TIAM2: variants seen among roughly 807,000 people sequenced by gnomAD.
TIAM2 encodes TIAM Rac1 associated GEF 2.
In TIAM2, 80 loss-of-function variants were observed where a neutral mutation model predicts 152.9. The ratio of observed to expected loss-of-function variants is 0.52; its 90% confidence interval spans 0.44 to 0.63. The LOEUF (loss-of-function observed/expected upper bound fraction) is 0.63. Ranked by LOEUF, TIAM2 falls within the 30% of genes least tolerant of loss-of-function variation. The pLI is 0.00. For synonymous variants in TIAM2, 804 were observed against 838.0 expected (o/e 0.96, Z 0.70); for missense variants, 1,965 against 2,120.1 (o/e 0.93, Z 1.44).
chr6:155,120,495 C>T (rs1222850888), intron 2 of TIAM2, among the ~76,000 whole-genome samples: 4 of 152,182 alleles, frequency 2.6e-5, no homozygotes, highest in African/African-American at 7.2e-5. Flanking sequence ...GTATTCAATT[C>T]ATGCATTCTG....
intron 1 of TIAM2, among the ~76,000 whole-genome samples, chr6:155,030,990 A>G (rs1190597749): frequency 2.0e-5 from 3 of 152,194 alleles, no homozygotes. Context: ...TTTTGGTGAA[A>G]TAAGTTCCTG....
intron 1 of TIAM2, among the ~76,000 whole-genome samples, chr6:155,057,534 T>G (rs1040760641): frequency 2.1e-5 from 3 of 142,458 alleles, no homozygotes; most frequent in Non-Finnish European, 4.6e-5. Context: ...TTTCTTTCCA[T>G]AATGTACTTT....
chr6:155,042,810 A>G (rs1022591428), intron 1 of TIAM2, among the ~76,000 whole-genome samples: 1 of 152,188 alleles, frequency 6.6e-6, no homozygotes, highest in Non-Finnish European at 1.5e-5. Context: ...TTTCAAGTAT[A>G]CAACACATTG....
Position 155,170,034 on chromosome 6 carries a change from G to A in TIAM2, c.2361+4625G>A, listed in dbSNP as rs57297674. ...GGGTTTCACTATGTTGGCCAGGCTGGTCTTGAACTCCTGACGTCGCGATCC... is the reference window on the plus strand; with the variant it reads ...GGGTTTCACTATGTTGGCCAGGCTGATCTTGAACTCCTGACGTCGCGATCC... On this transcript the variant is annotated intron_variant, in intron 9 of 26. Coordinates refer to ENST00000682666, the MANE Select transcript of TIAM2 (RefSeq NM_012454.4). Among the ~76,000 whole-genome samples, 1,002 of 152,120 alleles carry A rather than the reference G, an allele frequency of 6.6e-3. 9 individuals are homozygous for A. Among genetic ancestry groups the A allele is most frequent in the African/African-American group, 0.022 (896 of 41,492 alleles).
At chr6:155,041,802 G>A (rs1005326980) in intron 1 of TIAM2, among the ~76,000 whole-genome samples, 1 of 152,072 alleles carries the variant, frequency 6.6e-6, no homozygotes, top group Admixed American at 6.6e-5. Context: ...AGGTGTTCGC[G>A]TTGCCAGTGC....
chr6:155,200,690 G>A (rs1455908943), intron 14 of TIAM2, among the ~76,000 whole-genome samples: 2 of 152,066 alleles, frequency 1.3e-5, no homozygotes, highest in East Asian at 3.9e-4. Flanking sequence ...GGATCACAAG[G>A]TCAAGAGATC....
intron 1 of TIAM2, among the ~76,000 whole-genome samples, chr6:155,044,576 G>T (rs1237612887): frequency 1.3e-5 from 2 of 152,112 alleles, no homozygotes; most frequent in African/African-American, 4.8e-5. Flanking sequence ...CAGCACTTTG[G>T]GAGGCAGAGG....
At chr6:155,240,847 A>T (rs781355891) in intron 16 of TIAM2, 138 bp downstream of exon 16, 8 of 880,134 alleles carry the variant, frequency 9.1e-6, no homozygotes, top group Non-Finnish European at 1.3e-5. Flanking sequence ...TGAATCAGTG[A>T]ATTGCTCAAG....
intron 2 of TIAM2, among the ~76,000 whole-genome samples, chr6:155,107,100 G>A (rs1203857349): frequency 6.6e-6 from 1 of 152,102 alleles, no homozygotes; most frequent in Non-Finnish European, 1.5e-5. Context: ...CTAGCTTTGT[G>A]AAACTTTTCT....
At position 155,256,494 on chromosome 6, in the gene TIAM2, G is replaced by T. The variant is rs373263173; in HGVS notation, c.4479G>T (p.Arg1493Ser). Reference protein sequence around the residue: ...VPVSAKLASSRSLKVLKNSSS... With the variant: ...VPVSAKLASSSSLKVLKNSSS... ...TTTTTCTCACTGTAGCTTCATCCAG[G>T]TCTTTAAAAGTCCTGAAGAATTCCT... The change falls in exon 27 of 27, where the codon AGG becomes AGT. Residue 1493 changes from arginine to serine, a missense_variant. This residue lies in a region of TIAM2 where 935 missense variants were observed against 980.0 expected (regional missense o/e 0.95). Transcript: ENST00000682666. 3.1e-6 allele frequency: 5 copies of T among 1,614,156 alleles called. No homozygotes were observed. The highest frequency in any genetic ancestry group is 4.2e-6 in the Non-Finnish European group (5 of 1,180,044).
At chr6:155,113,692 C>T (rs929668937) in intron 2 of TIAM2, among the ~76,000 whole-genome samples, 2 of 152,090 alleles carry the variant, frequency 1.3e-5, no homozygotes, top group African/African-American at 4.8e-5. Flanking sequence ...CCACTGCAAG[C>T]CAGCCTGGGC....
intron 1 of TIAM2, among the ~76,000 whole-genome samples, chr6:155,088,703 G>A (rs1778227651): frequency 1.3e-5 from 2 of 152,210 alleles, no homozygotes; most frequent in South Asian, 4.1e-4. Flanking sequence ...AGGCAAGCTT[G>A]TCCAACCCAT....
At chr6:155,187,172 A>T (rs1781059224) in intron 14 of TIAM2, among the ~76,000 whole-genome samples, 1 of 152,174 alleles carries the variant, frequency 6.6e-6, no homozygotes, top group South Asian at 2.1e-4. Flanking sequence ...GGAACAAGCT[A>T]CACAGAGTTC....
At chr6:155,256,234 T>C in intron 26 of TIAM2, 1 of 603,536 alleles carries the variant, frequency 1.7e-6, no homozygotes, top group African/African-American at 1.9e-5. Flanking sequence ...TAGTGTCTAG[T>C]TCTATTTACA....
intron 2 of TIAM2, among the ~76,000 whole-genome samples, chr6:155,112,888 C>T (rs1313087163): frequency 6.6e-6 from 1 of 151,934 alleles, no homozygotes; most frequent in Non-Finnish European, 1.5e-5. Flanking sequence ...CCCCTACCAC[C>T]CCCCTCCCTT....
chr6:155,208,986 C>G (rs1192731574), intron 14 of TIAM2, among the ~76,000 whole-genome samples: 1 of 152,018 alleles, frequency 6.6e-6, no homozygotes, highest in East Asian at 1.9e-4. Flanking sequence ...GCTGCCCACC[C>G]CGCCTTGTCA....
intron 1 of TIAM2, among the ~76,000 whole-genome samples, chr6:155,040,147 T>A (rs1776995468): frequency 6.6e-6 from 1 of 152,228 alleles, no homozygotes; most frequent in African/African-American, 2.4e-5. Context: ...TGAGGTATCC[T>A]TGTGTCAAAG....
At chr6:155,216,455 C>T (rs768680113) in intron 15 of TIAM2, among the ~76,000 whole-genome samples, 8 of 152,234 alleles carry the variant, frequency 5.3e-5, no homozygotes, top group Non-Finnish European at 1.0e-4. Context: ...GGGCTTTTGA[C>T]AGCCCCGCAA....
At chr6:155,088,052 C>CTTTTTTTTTTTT (rs113372173) in intron 1 of TIAM2, among the ~76,000 whole-genome samples, 1 of 118,996 alleles carries the variant, frequency 8.4e-6, no homozygotes, top group African/African-American at 3.3e-5. Context: ...TTCTTTCTTT[C>CTTTTTTTTTTTT]TTTTTTTTTT....
Sources: gnomAD v4.1 joint callset for allele counts (sites outside exome capture counted in the v4.1 genomes callset) on GRCh38, gnomAD v4.1.1 for gene constraint, gnomAD v4.1.1 regional missense constraint, MANE v1.5 for transcripts, NCBI Gene and HGNC (gene_info 2026-07-23, HGNC 2026-07-21) for gene names.